The following MACROD2 variants were observed in gnomAD, a reference collection of about 807,000 sequenced individuals.
The protein encoded by MACROD2 is ADP-ribose glycohydrolase MACROD2.
In MACROD2, 36 loss-of-function variants were observed where a neutral mutation model predicts 70.4. That is an observed-to-expected ratio of 0.51 (90% CI 0.39 to 0.68). The LOEUF (loss-of-function observed/expected upper bound fraction) is 0.68. Ranked by LOEUF, MACROD2 falls within the 30% of genes least tolerant of loss-of-function variation. MACROD2 has a pLI of 0.00. For missense variants in MACROD2, 496 were observed against 538.4 expected (o/e 0.92, Z 0.78); for synonymous variants, 172 against 178.8 (o/e 0.96, Z 0.30).
chr20:14,461,680 G>A (rs1344563695), intron 3 of MACROD2, among the ~76,000 whole-genome samples: 14 of 127,218 alleles, frequency 1.1e-4, no homozygotes, highest in Middle Eastern at 4.0e-3. Flanking sequence ...AACAGTCCCC[G>A]GTGTGTGATG....
intron 5 of MACROD2, among the ~76,000 whole-genome samples, chr20:15,208,866 G>C (rs75320677): frequency 3.9e-5 from 6 of 152,226 alleles, no homozygotes; most frequent in Admixed American, 2.6e-4. Context: ...GGGGAGGGGG[G>C]TTGTTACCAC....
intron 6 of MACROD2, among the ~76,000 whole-genome samples, chr20:15,296,450 C>G (rs920916129): frequency 2.0e-5 from 3 of 152,108 alleles, no homozygotes; most frequent in African/African-American, 7.2e-5. Context: ...ACTTCTGTAG[C>G]TTAGTTTTCA....
intron 5 of MACROD2, among the ~76,000 whole-genome samples, chr20:15,206,827 C>A (rs1016645661): frequency 2.0e-5 from 3 of 148,740 alleles, no homozygotes; most frequent in Non-Finnish European, 4.4e-5. Flanking sequence ...AGCTCCACCT[C>A]CCGGGTTCAC....
chr20:15,509,050 G>C (rs1413227375), intron 8 of MACROD2, among the ~76,000 whole-genome samples: 4 of 152,148 alleles, frequency 2.6e-5, no homozygotes, highest in African/African-American at 9.7e-5. Context: ...TTTCAAAAGT[G>C]TATGCTTTAA....
chr20:15,884,889 A>G (rs1568617537), intron 9 of MACROD2, among the ~76,000 whole-genome samples: 2 of 152,044 alleles, frequency 1.3e-5, no homozygotes, highest in Non-Finnish European at 2.9e-5. Context: ...GTAGAGAGCC[A>G]TCTTCTTCCT....
At chr20:15,617,186 T>C (rs943985728) in intron 8 of MACROD2, among the ~76,000 whole-genome samples, 3 of 152,194 alleles carry the variant, frequency 2.0e-5, no homozygotes, top group African/African-American at 7.2e-5. Context: ...GTTTATCTAT[T>C]GTTTCCTACG....
chr20:14,961,946 C>G (rs2074587058), intron 5 of MACROD2, among the ~76,000 whole-genome samples: 1 of 151,914 alleles, frequency 6.6e-6, no homozygotes, highest in Admixed American at 6.6e-5. Flanking sequence ...AACTTCAGAC[C>G]TTATTTGAAT....
At chr20:14,133,369 A>C (rs978846990) in intron 3 of MACROD2, among the ~76,000 whole-genome samples, 15 of 152,186 alleles carry the variant, frequency 9.9e-5, no homozygotes, top group African/African-American at 3.6e-4. Context: ...ATCATTTCCA[A>C]TACAAATATT....
At chr20:14,440,674 C>T (rs2084110871) in intron 3 of MACROD2, among the ~76,000 whole-genome samples, 1 of 152,116 alleles carries the variant, frequency 6.6e-6, no homozygotes, top group African/African-American at 2.4e-5. Context: ...GCTACTTTTC[C>T]ACAAGGTTGG....
intron 17 of MACROD2, among the ~76,000 whole-genome samples, chr20:16,049,281 A>G (rs1163300158): frequency 3.3e-5 from 5 of 152,062 alleles, no homozygotes; most frequent in African/African-American, 1.2e-4. Context: ...GTTTTCCTGT[A>G]GGCAGATTAT....
intron 5 of MACROD2, among the ~76,000 whole-genome samples, chr20:15,073,466 AACACAC>A (rs11468103): frequency 0.15 from 22,211 of 143,884 alleles, 1,702 homozygotes; most frequent in South Asian, 0.23. Context: ...TAATTCTCCC[AACACAC>A]ACACACACAC....
At chr20:14,288,604 T>A (rs1283607935) in intron 3 of MACROD2, among the ~76,000 whole-genome samples, 1 of 152,180 alleles carries the variant, frequency 6.6e-6, no homozygotes, top group Non-Finnish European at 1.5e-5. Flanking sequence ...AGTTCACTTC[T>A]TAACACCATG....
intron 8 of MACROD2, among the ~76,000 whole-genome samples, chr20:15,709,812 C>G (rs376735788): frequency 1.1e-4 from 16 of 152,116 alleles, no homozygotes; most frequent in Admixed American, 5.2e-4. Context: ...ATCCTCTCTT[C>G]TAGCTATTTG....
chr20:15,332,692 G>A lies in MACROD2; in HGVS notation c.541-98713G>A, dbSNP rs111390537. On this transcript the variant is annotated intron_variant, in intron 6 of 17. Coordinates refer to ENST00000684519, the MANE Select transcript of MACROD2 (RefSeq NM_001351661.2). ...TTATTATTTATTTTGGTCTTCTTAC[G>A]TCAGCATTTCAGCTATCCTTTATAG... Among the ~76,000 whole-genome samples, 22 of 151,654 alleles carry A rather than the reference G, an allele frequency of 1.5e-4. 1 individual carries two copies. Among genetic ancestry groups the A allele is most frequent in the African/African-American group, 5.4e-4 (22 of 41,100 alleles).
intron 3 of MACROD2, among the ~76,000 whole-genome samples, chr20:14,195,724 G>A (rs1262590440): frequency 2.0e-5 from 3 of 152,182 alleles, no homozygotes; most frequent in Non-Finnish European, 4.4e-5. Context: ...CAGAGCATGC[G>A]AAGTTTGGCT....
At chr20:15,453,318 A>C (rs1006856715) in intron 7 of MACROD2, among the ~76,000 whole-genome samples, 3 of 151,966 alleles carry the variant, frequency 2.0e-5, no homozygotes, top group African/African-American at 7.2e-5. Flanking sequence ...TTCTCATTTT[A>C]ACCTTTCTCT....
intron 3 of MACROD2, among the ~76,000 whole-genome samples, chr20:14,207,457 C>A (rs981121527): frequency 1.4e-4 from 21 of 152,146 alleles, no homozygotes; most frequent in Admixed American, 1.2e-3. Context: ...CATACCAATA[C>A]AAATAAATTT....
intron 5 of MACROD2, among the ~76,000 whole-genome samples, chr20:15,065,890 A>G (rs566343783): frequency 6.6e-6 from 1 of 152,264 alleles, no homozygotes; most frequent in South Asian, 2.1e-4. Context: ...AGAAACAACC[A>G]CAAAAAGTTT....
At chr20:15,465,095 A>G (rs1410256351) in intron 7 of MACROD2, among the ~76,000 whole-genome samples, 1 of 152,094 alleles carries the variant, frequency 6.6e-6, no homozygotes, top group African/African-American at 2.4e-5. Context: ...TCACTTTTTC[A>G]ATACTCTATA....
Sources: gnomAD v4.1 joint callset for allele counts (sites outside exome capture counted in the v4.1 genomes callset) on GRCh38, gnomAD v4.1.1 for gene constraint, MANE v1.5 for transcripts, NCBI Gene and HGNC (gene_info 2026-07-23, HGNC 2026-07-21) for gene names.